ADIPOQ: variants seen among roughly 807,000 people sequenced by gnomAD.
ADIPOQ encodes the protein adiponectin.
A neutral mutation model predicts 16.1 loss-of-function variants in ADIPOQ; 19 were observed. The observed-to-expected ratio is 1.18, with a 90% CI of 0.82 to 1.73. The LOEUF is 1.73. Ranked by LOEUF, ADIPOQ falls within the 40% of genes most tolerant of loss-of-function variation. ADIPOQ has a pLI of 0.00. For missense variants in ADIPOQ, 323 were observed against 308.3 expected, an observed-to-expected ratio of 1.05 and a Z score of -0.36; for synonymous variants, 124 against 125.5, an observed-to-expected ratio of 0.99 and a Z score of 0.08.
intron 1 of ADIPOQ, among the ~76,000 whole-genome samples, chr3:186,847,146 C>T (rs1711599546): frequency 6.6e-6 from 1 of 152,190 alleles, no homozygotes; most frequent in Non-Finnish European, 1.5e-5. Flanking sequence ...GCATTTTACA[C>T]AGACTACACC....
rs184870010 is a variant in ADIPOQ at position 186,855,447 on chromosome 3, A to T, written c.*743A>T. On this transcript the variant is annotated 3_prime_UTR_variant, in exon 3 of 3. Coordinates refer to ENST00000320741, the MANE Select transcript of ADIPOQ (RefSeq NM_004797.4). Reference sequence around the variant, plus strand: ...GGCCACCTGGCCAGGAGCTTCTCTGATGTGATATCCACTTTTTTTTTTTTT... The same window carrying T: ...GGCCACCTGGCCAGGAGCTTCTCTGTTGTGATATCCACTTTTTTTTTTTTT... 1 of 127,798 alleles carries T rather than the reference A, an allele frequency of 7.8e-6. No individual in the cohort carries two copies. The highest frequency in any genetic ancestry group is 2.4e-4 in the East Asian group (1 of 4,176). The allele number at this position is 127,798 out of a possible 1,614,324, so 7.9% of individuals were successfully genotyped here. A position where few individuals can be genotyped will look rare whatever the true frequency, so the allele number is the denominator to read the frequency against.
chr3:186,858,413 CT>C lies in ADIPOQ; in HGVS notation c.*3713del, dbSNP rs1337909805. ...TTTTATCCAGTCTAAAAATATCTGT[CT>C]TTTAATTGGTGTTTAGACAATTTAT... On this transcript the variant is annotated 3_prime_UTR_variant, in exon 3 of 3. Transcript: ENST00000320741. The C allele has an allele frequency of 3.4e-5, 5 of 146,696 alleles. No homozygotes were observed. Among genetic ancestry groups the C allele is most frequent in the Non-Finnish European group, 6.2e-5 (4 of 64,684 alleles). 9.1% of individuals were successfully genotyped at this position (146,696 alleles called of 1,614,324 possible).
At chr3:186,843,268 G>A (rs1046447396) in intron 1 of ADIPOQ, among the ~76,000 whole-genome samples, 1 of 152,192 alleles carries the variant, frequency 6.6e-6, no homozygotes, top group Non-Finnish European at 1.5e-5. Flanking sequence ...GGGCTAGACA[G>A]TGGATTGGGT....
intron 1 of ADIPOQ, among the ~76,000 whole-genome samples, chr3:186,849,665 C>T (rs1034543455): frequency 6.6e-6 from 1 of 152,190 alleles, no homozygotes; most frequent in Non-Finnish European, 1.5e-5. Context: ...CTGTTTCTGT[C>T]TCTCTTCTCT....
At position 186,856,929 on chromosome 3, in the gene ADIPOQ, G is replaced by A. The variant is rs1712026516; in HGVS notation, c.*2225G>A. On this transcript the variant is annotated 3_prime_UTR_variant, in exon 3 of 3. Coordinates refer to ENST00000320741, the MANE Select transcript of ADIPOQ (RefSeq NM_004797.4). ...CAGAGTTGTTCTGTCTTTAGATAAG[G>A]TTTGAACCAAAGCTCAAAACAATCA... 6.6e-6 allele frequency: 1 copy of A among 152,158 alleles called. No homozygotes were observed. Among genetic ancestry groups the A allele is most frequent in the Non-Finnish European group, 1.5e-5 (1 of 68,032 alleles). 9.4% of individuals were successfully genotyped at this position (152,158 alleles called of 1,614,324 possible). A position where few individuals can be genotyped will look rare whatever the true frequency, so the allele number is the denominator to read the frequency against.
At position 186,853,226 on chromosome 3, in the gene ADIPOQ, T is replaced by A; in HGVS notation, c.168T>A (p.Asp56Glu). ...GCCATAATGGGGCCCCAGGCCGTGA[T>A]GGCAGAGATGGCACCCCTGGTGAGA... ...HPGHNGAPGR[D>E]GRDGTPGEKG... The change falls in exon 2 of 3, where the codon GAT (aspartate) becomes GAA (glutamate). Residue 56 changes from aspartate to glutamate, a missense_variant. Physicochemically the swap from Asp to Glu is conservative, Grantham distance 45 (BLOSUM62 2). Coordinates refer to ENST00000320741, the MANE Select transcript of ADIPOQ (RefSeq NM_004797.4). 1 of 1,613,106 alleles carries A rather than the reference T, an allele frequency of 6.2e-7. No individual in the cohort carries two copies. Among genetic ancestry groups the A allele is most frequent in the Non-Finnish European group, 8.5e-7 (1 of 1,179,566 alleles).
intron 1 of ADIPOQ, among the ~76,000 whole-genome samples, chr3:186,843,002 G>A (rs1042075193): frequency 9.9e-5 from 15 of 152,168 alleles, no homozygotes; most frequent in African/African-American, 9.7e-5. Context: ...TGCCCAGTTC[G>A]CTCTGTAGCA....
intron 1 of ADIPOQ, among the ~76,000 whole-genome samples, chr3:186,846,391 C>T (rs1331144917): frequency 6.6e-6 from 1 of 152,070 alleles, no homozygotes; most frequent in African/African-American, 2.4e-5. Context: ...ACCACCACCC[C>T]CAGCTAATTT....
intron 1 of ADIPOQ, chr3:186,852,388 G>A (rs1224553949): frequency 1.3e-5 from 2 of 152,638 alleles, no homozygotes; most frequent in Non-Finnish European, 2.9e-5. Context: ...CAAACAAAGG[G>A]CCAGGGGATA....
chr3:186,856,941 G>A lies in ADIPOQ; in HGVS notation c.*2237G>A, dbSNP rs202115604. ...GTCTTTAGATAAGGTTTGAACCAAA[G>A]CTCAAAACAATCAAGACCCTTTTCT... On this transcript the variant is annotated 3_prime_UTR_variant, in exon 3 of 3. Transcript: ENST00000320741. 1.3e-5 allele frequency: 2 copies of A among 152,130 alleles called. No homozygotes were observed. Among genetic ancestry groups the A allele is most frequent in the African/African-American group, 2.4e-5 (1 of 41,414 alleles). 9.4% of individuals were successfully genotyped at this position (152,130 alleles called of 1,614,324 possible). A position where few individuals can be genotyped will look rare whatever the true frequency, so the allele number is the denominator to read the frequency against.
chr3:186,854,528 G>A lies in ADIPOQ; in HGVS notation c.559G>A (p.Asp187Asn). 6.2e-7 allele frequency: 1 copy of A among 1,614,228 alleles called. No homozygotes were observed. The highest frequency in any genetic ancestry group is 8.5e-7 in the Non-Finnish European group (1 of 1,180,038). Residue 187 changes from aspartate to asparagine, a missense_variant, in exon 3 of 3, where the codon GAT becomes AAT. By Grantham distance (23) the Asp-to-Asn change is conservative. Coordinates refer to ENST00000320741, the MANE Select transcript of ADIPOQ (RefSeq NM_004797.4). ...GGACAAGGCTATGCTCTTCACCTATGATCAGTACCAGGAAAATAATGTGGA... is the reference window on the plus strand; with the variant it reads ...GGACAAGGCTATGCTCTTCACCTATAATCAGTACCAGGAAAATAATGTGGA... ...KKDKAMLFTY[D>N]QYQENNVDQA...
chr3:186,854,583 T>G lies in ADIPOQ; in HGVS notation c.614T>G (p.Leu205Arg). 6.2e-7 allele frequency: 1 copy of G among 1,614,072 alleles called. No homozygotes were observed. The highest frequency in any genetic ancestry group is 8.5e-7 in the Non-Finnish European group (1 of 1,179,902). ...DQASGSVLLH[L>R]EVGDQVWLQV... Reference sequence around the variant, plus strand: ...GCCTCCGGCTCTGTGCTCCTGCATCTGGAGGTGGGCGACCAAGTCTGGCTC... The same window carrying G: ...GCCTCCGGCTCTGTGCTCCTGCATCGGGAGGTGGGCGACCAAGTCTGGCTC... The change falls in exon 3 of 3, where the codon CTG becomes CGG. Residue 205 changes from leucine (L) to arginine (R), a missense_variant. Leu to Arg is a moderately radical substitution (Grantham distance 102). Transcript: ENST00000320741.
Position 186,854,747 on chromosome 3 carries a change from A to G in ADIPOQ, c.*43A>G, listed in dbSNP as rs760763719. On this transcript the variant is annotated 3_prime_UTR_variant, in exon 3 of 3. Coordinates refer to ENST00000320741, the MANE Select transcript of ADIPOQ (RefSeq NM_004797.4). Reference sequence around the variant, plus strand: ...CCTCCTCCAGGCCAAACAGCCCCAAAGTCAATTAAAGGCTTTCAGTACGGT... The same window carrying G: ...CCTCCTCCAGGCCAAACAGCCCCAAGGTCAATTAAAGGCTTTCAGTACGGT... The G allele has an allele frequency of 3.1e-6, 5 of 1,606,212 alleles. No homozygotes were observed. Among genetic ancestry groups the G allele is most frequent in the Non-Finnish European group, 4.3e-6 (5 of 1,173,878 alleles).
At chr3:186,849,665 CTCTCT>C (rs1047185837) in intron 1 of ADIPOQ, among the ~76,000 whole-genome samples, 24 of 152,308 alleles carry the variant, frequency 1.6e-4, no homozygotes, top group African/African-American at 5.5e-4. Context: ...CTGTTTCTGT[CTCTCT>C]TCTCTCTGTC....
chr3:186,848,953 T>C (rs558505717), intron 1 of ADIPOQ, among the ~76,000 whole-genome samples: 1 of 152,292 alleles, frequency 6.6e-6, no homozygotes, highest in Admixed American at 6.5e-5. Context: ...TCTTGTATTT[T>C]TGGCACCTCT....
chr3:186,857,649 T>C lies in ADIPOQ; in HGVS notation c.*2945T>C, dbSNP rs1712055658. The C allele has an allele frequency of 6.6e-6, 1 of 152,192 alleles. No individual in the cohort carries two copies. The highest frequency in any genetic ancestry group is 2.4e-5 in the African/African-American group (1 of 41,450). 9.4% of individuals were successfully genotyped at this position (152,192 alleles called of 1,614,324 possible). On this transcript the variant is annotated 3_prime_UTR_variant, in exon 3 of 3. Transcript: ENST00000320741. ...GGCCTGAGAGAAACTGAGGTCAAGA[T>C]TTCAGGATTAATGGTCCTGTGATGC... is the stretch of plus-strand genomic sequence containing the variant.
In ADIPOQ at chr3:186,855,283, G is replaced by T; in HGVS notation, c.*579G>T. On this transcript the variant is annotated 3_prime_UTR_variant, in exon 3 of 3. Coordinates refer to ENST00000320741, the MANE Select transcript of ADIPOQ (RefSeq NM_004797.4). ...TCAGAGAAAGTGGTTCTATGATGAC[G>T]TCCTGTCTTGGAAGGACTACTACTC... 6.0e-6 allele frequency: 1 copy of T among 166,534 alleles called. No homozygotes were observed. The highest frequency in any genetic ancestry group is 1.3e-5 in the Non-Finnish European group (1 of 76,482). The allele number at this position is 166,534 out of a possible 1,614,324, so 10.3% of individuals were successfully genotyped here.
intron 1 of ADIPOQ, among the ~76,000 whole-genome samples, chr3:186,847,295 T>A (rs962845599): frequency 2.6e-5 from 4 of 152,374 alleles, no homozygotes; most frequent in Middle Eastern, 3.4e-3. Context: ...GAGAATCGAA[T>A]GAGACACTAG....
chr3:186,849,335 G>T (rs1711672363), intron 1 of ADIPOQ, among the ~76,000 whole-genome samples: 1 of 152,216 alleles, frequency 6.6e-6, no homozygotes, highest in South Asian at 2.1e-4. Context: ...AAGGGTGGAG[G>T]TGACAAGCAG....
Sources: gnomAD v4.1 joint callset for allele counts (sites outside exome capture counted in the v4.1 genomes callset) on GRCh38, gnomAD v4.1.1 for gene constraint, MANE v1.5 for transcripts, NCBI Gene and HGNC (gene_info 2026-07-23, HGNC 2026-07-21) for gene names.